UNC5C: variants seen among roughly 807,000 people sequenced by gnomAD.
The protein encoded by UNC5C is netrin receptor UNC5C.
A neutral mutation model predicts 99.8 loss-of-function variants in UNC5C; 47 were observed. The ratio of observed to expected loss-of-function variants is 0.47; its 90% CI spans 0.37 to 0.60. The LOEUF (loss-of-function observed/expected upper bound fraction) is 0.60, where lower values mean the gene tolerates loss of function less well. Ranked by LOEUF, UNC5C falls within the 20% of genes least tolerant of loss-of-function variation. The probability of loss-of-function intolerance (pLI) is 0.00; values close to 1 mark genes in which losing one functional copy is unlikely to be tolerated. For synonymous variants in UNC5C, 487 were observed against 452.2 expected, an observed-to-expected ratio of 1.08 and a Z score of -0.98; for missense variants, 1,062 against 1,165.9, an observed-to-expected ratio of 0.91 and a Z score of 1.30.
chr4:95,216,696 A>T (rs1371184262), intron 9 of UNC5C, among the ~76,000 whole-genome samples: 2 of 152,236 alleles, frequency 1.3e-5, no homozygotes, highest in Non-Finnish European at 2.9e-5. Context: ...TATTATACAT[A>T]ACTCTAGAAA....
chr4:95,210,920 T>C (rs953216683), intron 10 of UNC5C, among the ~76,000 whole-genome samples: 4 of 152,232 alleles, frequency 2.6e-5, no homozygotes, highest in Non-Finnish European at 4.4e-5. Flanking sequence ...TGGCAGTGTA[T>C]GTCTATTACC....
chr4:95,527,743 G>A (rs1462356323), intron 1 of UNC5C, among the ~76,000 whole-genome samples: 2 of 152,078 alleles, frequency 1.3e-5, no homozygotes, highest in East Asian at 3.8e-4. Flanking sequence ...AGAATGTGGG[G>A]TGATTTTCTT....
intron 10 of UNC5C, among the ~76,000 whole-genome samples, chr4:95,211,078 G>A (rs749302775): frequency 1.3e-5 from 2 of 152,168 alleles, no homozygotes; most frequent in African/African-American, 2.4e-5. Flanking sequence ...AAGTCCTTGC[G>A]AAACTATTCT....
At chr4:95,469,414 T>C (rs1560845000) in intron 1 of UNC5C, among the ~76,000 whole-genome samples, 1 of 152,164 alleles carries the variant, frequency 6.6e-6, no homozygotes, top group Non-Finnish European at 1.5e-5. Context: ...GTCTTCATTT[T>C]TTTCTCAAAT....
chr4:95,228,991 A>G (rs1224360023), intron 7 of UNC5C, among the ~76,000 whole-genome samples: 1 of 152,208 alleles, frequency 6.6e-6, no homozygotes, highest in Non-Finnish European at 1.5e-5. Context: ...TTAATGCATG[A>G]TAATCACATT....
chr4:95,341,463 G>A (rs1383000060), intron 1 of UNC5C, among the ~76,000 whole-genome samples: 2 of 141,318 alleles, frequency 1.4e-5, no homozygotes, highest in African/African-American at 5.3e-5. Context: ...AAGAAAGAGA[G>A]AAAGAAAGAA....
chr4:95,183,383 TAAAA>T (rs57162384), intron 13 of UNC5C, among the ~76,000 whole-genome samples: 1 of 149,504 alleles, frequency 6.7e-6, no homozygotes, highest in Non-Finnish European at 1.5e-5. Flanking sequence ...TGTAAATGAT[TAAAA>T]AAAAAAAAGA....
chr4:95,249,383 T>G (rs927004233), intron 5 of UNC5C, among the ~76,000 whole-genome samples: 1 of 152,202 alleles, frequency 6.6e-6, no homozygotes, highest in Non-Finnish European at 1.5e-5. Flanking sequence ...ATAAAAATCT[T>G]CATTATGTTC....
intron 1 of UNC5C, among the ~76,000 whole-genome samples, chr4:95,469,418 C>T (rs909745902): frequency 6.6e-6 from 1 of 152,032 alleles, no homozygotes; most frequent in South Asian, 2.1e-4. Flanking sequence ...TCATTTTTTT[C>T]TCAAATCATA....
intron 1 of UNC5C, among the ~76,000 whole-genome samples, chr4:95,469,559 G>A (rs1051248603): frequency 6.4e-5 from 9 of 140,394 alleles, no homozygotes; most frequent in East Asian, 2.0e-4. Context: ...CTGCAGTGAC[G>A]GTTTCACATA....
intron 14 of UNC5C, among the ~76,000 whole-genome samples, chr4:95,179,313 T>G (rs1000956954): frequency 3.9e-5 from 6 of 152,198 alleles, no homozygotes; most frequent in Non-Finnish European, 8.8e-5. Flanking sequence ...CAGAGTGATA[T>G]TACTTTGTAC....
intron 4 of UNC5C, among the ~76,000 whole-genome samples, chr4:95,256,243 A>AGACCCCAC (rs1739975116): frequency 1.3e-5 from 2 of 152,054 alleles, no homozygotes; most frequent in South Asian, 4.1e-4. Flanking sequence ...TCTCCAGCCC[A>AGACCCCAC]GACCCCACCG....
intron 1 of UNC5C, among the ~76,000 whole-genome samples, chr4:95,350,099 G>A (rs1035502321): frequency 2.6e-5 from 4 of 152,128 alleles, no homozygotes; most frequent in African/African-American, 9.7e-5. Context: ...TAACTAATTT[G>A]TAACTCATTA....
chr4:95,343,599 A>G (rs370678366), intron 1 of UNC5C, among the ~76,000 whole-genome samples: 2 of 152,180 alleles, frequency 1.3e-5, no homozygotes, highest in East Asian at 3.9e-4. Flanking sequence ...TAAATAAGAC[A>G]CCACTGGCCA....
At chr4:95,220,473 G>A (rs745786121) in intron 7 of UNC5C, among the ~76,000 whole-genome samples, 3 of 151,658 alleles carry the variant, frequency 2.0e-5, no homozygotes, top group African/African-American at 2.4e-5. Flanking sequence ...CCAACCCACA[G>A]GAAAAAAAAG....
chr4:95,534,948 T>C (rs967682116), intron 1 of UNC5C, among the ~76,000 whole-genome samples: 1 of 152,164 alleles, frequency 6.6e-6, no homozygotes, highest in African/African-American at 2.4e-5. Flanking sequence ...TTCTGTTCCT[T>C]TATAAAGAGT....
At chr4:95,463,623 A>G (rs1300970277) in intron 1 of UNC5C, among the ~76,000 whole-genome samples, 3 of 152,204 alleles carry the variant, frequency 2.0e-5, no homozygotes, top group Non-Finnish European at 4.4e-5. Context: ...AAAAAAGAAG[A>G]AAAGAGAAGG....
chr4:95,405,932 T>A (rs1035980719), intron 1 of UNC5C, among the ~76,000 whole-genome samples: 1 of 152,216 alleles, frequency 6.6e-6, no homozygotes, highest in African/African-American at 2.4e-5. Context: ...CAGAATCAAC[T>A]GTCATCAATA....
intron 1 of UNC5C, among the ~76,000 whole-genome samples, chr4:95,492,308 C>T (rs1226426498): frequency 2.0e-5 from 3 of 151,212 alleles, no homozygotes; most frequent in Non-Finnish European, 4.4e-5. Flanking sequence ...CTACTTCCGC[C>T]ATTTATTGTT....
Sources: allele counts gnomAD v4.1 joint callset (sites outside exome capture counted in the v4.1 genomes callset), GRCh38; gene constraint gnomAD v4.1.1; transcripts MANE v1.5; gene names NCBI Gene and HGNC (gene_info 2026-07-23, HGNC 2026-07-21).